Variants in ALDH1L2 observed in about 807,000 individuals in gnomAD.
ALDH1L2 encodes aldehyde dehydrogenase 1 family member L2, also known as mitochondrial 10-formyltetrahydrofolate dehydrogenase.
ALDH1L2 carries 91 observed loss-of-function variants against 111.0 expected under a neutral mutation model. That is an observed-to-expected ratio of 0.82 (90% CI 0.69 to 0.98). The LOEUF (loss-of-function observed/expected upper bound fraction) is 0.98, where lower values mean the gene tolerates loss of function less well. ALDH1L2 is among the 50% of genes least tolerant of loss of function. ALDH1L2 has a pLI of 0.00. For synonymous variants in ALDH1L2, 374 were observed against 392.6 expected (o/e 0.95, Z 0.56); for missense variants, 995 against 1,126.8 (o/e 0.88, Z 1.67).
In ALDH1L2 at chr12:105,074,021, A is replaced by G. The variant is rs1057358238; in HGVS notation, c.49-16T>C. ...TGAAATAAACCTGTGAAACAATTCA[A>G]TGACGAAGACATAAGCATGGATAGA... On this transcript the variant is annotated splice_polypyrimidine_tract_variant and intron_variant, in intron 1 of 22. Transcript: ENST00000258494. The G allele has an allele frequency of 1.1e-5, 17 of 1,613,930 alleles. No homozygotes were observed. Among genetic ancestry groups the G allele is most frequent in the Non-Finnish European group, 1.4e-5 (16 of 1,179,966 alleles).
chr12:105,071,429 T>C (rs994812554), intron 2 of ALDH1L2, among the ~76,000 whole-genome samples: 15 of 151,614 alleles, frequency 9.9e-5, no homozygotes, highest in Non-Finnish European at 1.8e-4. Flanking sequence ...GTCTCCTTCC[T>C]GAGAAGAGCG....
chr12:105,064,838 C>G (rs1262289468), intron 6 of ALDH1L2, among the ~76,000 whole-genome samples: 1 of 152,158 alleles, frequency 6.6e-6, no homozygotes. Context: ...CAGTTCAGAC[C>G]CTGGCTTCAC....
At chr12:105,036,505 A>T (rs1220278079) in intron 18 of ALDH1L2, among the ~76,000 whole-genome samples, 1 of 90,380 alleles carries the variant, frequency 1.1e-5, no homozygotes, top group East Asian at 3.0e-4. Context: ...ATATATGTAT[A>T]TATATATTTT....
At chr12:105,038,976 C>T (rs1308531756) in intron 17 of ALDH1L2, among the ~76,000 whole-genome samples, 2 of 152,054 alleles carry the variant, frequency 1.3e-5, no homozygotes, top group Non-Finnish European at 2.9e-5. Flanking sequence ...TCCTTTCTTA[C>T]AAAAGTATTT....
In ALDH1L2 at chr12:105,024,276, T is replaced by C; in HGVS notation, c.*148A>G. ...AATACTCAGGCACATGTGTAAATGC[T>C]TTAACATGGCCTGGCCCTCTTCATG... On this transcript the variant is annotated 3_prime_UTR_variant, in exon 23 of 23. Transcript: ENST00000258494. 4 of 785,338 alleles carry C rather than the reference T, an allele frequency of 5.1e-6. No individual in the cohort carries two copies. Among genetic ancestry groups the C allele is most frequent in the Non-Finnish European group, 8.4e-6 (4 of 475,586 alleles). 48.6% of individuals were successfully genotyped at this position (785,338 alleles called of 1,614,324 possible).
intron 1 of ALDH1L2, among the ~76,000 whole-genome samples, chr12:105,083,632 T>TTC (rs1555229128): frequency 2.7e-5 from 4 of 150,884 alleles, no homozygotes; most frequent in African/African-American, 9.7e-5. Flanking sequence ...TTTTTTTTTT[T>TTC]TCTCTCTCTC....
At chr12:105,057,965 G>GT in intron 10 of ALDH1L2, 108 bp downstream of exon 10, 1 of 1,310,500 alleles carries the variant, frequency 7.6e-7, no homozygotes, top group Non-Finnish European at 1.0e-6. Flanking sequence ...TAAAGCTGTT[G>GT]TTTTTTAAAG....
chr12:105,078,586 G>C (rs1878187484), intron 1 of ALDH1L2, among the ~76,000 whole-genome samples: 1 of 152,196 alleles, frequency 6.6e-6, no homozygotes, highest in African/African-American at 2.4e-5. Flanking sequence ...CCTCTATGCA[G>C]CTCAAATCTC....
At chr12:105,061,882 G>C (rs1877025697) in intron 7 of ALDH1L2, 130 bp from the exon 8 acceptor site, 3 of 1,098,566 alleles carry the variant, frequency 2.7e-6, no homozygotes, top group Non-Finnish European at 3.9e-6. Flanking sequence ...CAGATTAAAA[G>C]CATTCACCAT....
rs1464607354 is a variant in ALDH1L2 at position 105,046,921 on chromosome 12, A to T, written c.1735T>A (p.Phe579Ile). ...TACCCGAGTGGCTCTTTCTTGGTGA[A>T]GGTCAGATTGCGATTTGGACGGGCC... The part of the protein sequence containing the change: ...NQARPNRNLT[F>I]TKKEPLGVCA... Residue 579 changes from phenylalanine (F) to isoleucine (I), a missense_variant, in exon 14 of 23, where the codon TTC (phenylalanine) becomes ATC (isoleucine). Transcript: ENST00000258494. 2 of 1,614,034 alleles carry T rather than the reference A, an allele frequency of 1.2e-6. No homozygotes were observed. Among genetic ancestry groups the T allele is most frequent in the Admixed American group, 3.3e-5 (2 of 60,004 alleles).
chr12:105,065,915 A>G (rs1366338352), intron 5 of ALDH1L2, among the ~76,000 whole-genome samples: 3 of 152,178 alleles, frequency 2.0e-5, no homozygotes, highest in African/African-American at 4.8e-5. Context: ...ATCTATACCT[A>G]CTGCATCTGT....
intron 9 of ALDH1L2, among the ~76,000 whole-genome samples, chr12:105,058,794 G>T (rs1242678251): frequency 1.3e-5 from 2 of 152,080 alleles, no homozygotes; most frequent in African/African-American, 4.8e-5. Context: ...GAATAGCAGT[G>T]GTGTACGAGG....
At position 105,058,056 on chromosome 12, in the gene ALDH1L2, A is replaced by T; in HGVS notation, c.1287+17T>A. 6.2e-7 allele frequency: 1 copy of T among 1,607,898 alleles called. No homozygotes were observed. Among genetic ancestry groups the T allele is most frequent in the Non-Finnish European group, 8.5e-7 (1 of 1,177,710 alleles). Reference sequence around the variant, plus strand: ...GATCTCACTGATTTAGGGTTGCAACATCAAGGAAAAGCTTACATAATCTAC... The same window carrying T: ...GATCTCACTGATTTAGGGTTGCAACTTCAAGGAAAAGCTTACATAATCTAC... On this transcript the variant is annotated intron_variant, in intron 10 of 22. Transcript: ENST00000258494.
At chr12:105,072,528 A>G (rs1488993773) in intron 2 of ALDH1L2, 1 of 152,356 alleles carries the variant, frequency 6.6e-6, no homozygotes, top group East Asian at 1.9e-4. Flanking sequence ...GTGAGTGTTC[A>G]TAAGATGTTC....
intron 1 of ALDH1L2, among the ~76,000 whole-genome samples, chr12:105,077,357 G>A (rs1377428502): frequency 6.0e-5 from 9 of 150,814 alleles, no homozygotes; most frequent in Non-Finnish European, 1.0e-4. Context: ...TGCAACCTCC[G>A]CCTTCCGGGT....
rs143830632 is a variant in ALDH1L2 at position 105,039,764 on chromosome 12, C to T, written c.1994G>A (p.Arg665His). The change falls in exon 17 of 23, where the codon CGC (arginine) becomes CAC (histidine). Residue 665 changes from arginine to histidine, a missense_variant. By Grantham distance (29) the Arg-to-His change is conservative. Coordinates refer to ENST00000258494, the MANE Select transcript of ALDH1L2 (RefSeq NM_001034173.4). The stretch of plus-strand genomic sequence containing the variant: ...AGTGGATCCAGTGAAACCAAGTTTG[C>T]GGATGTCAGGATGTTCAGACAGACG... The part of the protein sequence containing the change: ...GQRLSEHPDI[R>H]KLGFTGSTPI... The T allele has an allele frequency of 3.1e-5, 50 of 1,613,776 alleles. No homozygotes were observed. Among genetic ancestry groups the T allele is most frequent in the African/African-American group, 3.1e-4 (23 of 74,866 alleles).
intron 16 of ALDH1L2, 115 bp from the exon 17 acceptor site, chr12:105,039,921 G>T: frequency 1.2e-6 from 1 of 831,754 alleles, no homozygotes; most frequent in Non-Finnish European, 2.0e-6. Context: ...ACAAGGTCAG[G>T]AGATCGAGAC....
chr12:105,064,355 A>G (rs182462432), intron 6 of ALDH1L2, among the ~76,000 whole-genome samples: 29 of 151,908 alleles, frequency 1.9e-4, no homozygotes, highest in African/African-American at 5.3e-4. Context: ...CATTGAGGAA[A>G]CCAAGGCACC....
chr12:105,045,291 G>A (rs964490006), intron 15 of ALDH1L2, among the ~76,000 whole-genome samples: 4 of 152,094 alleles, frequency 2.6e-5, no homozygotes, highest in African/African-American at 9.7e-5. Context: ...CACCATGTTG[G>A]CCAGGCTGGT....
Sources: allele counts gnomAD v4.1 joint callset (sites outside exome capture counted in the v4.1 genomes callset), GRCh38; gene constraint gnomAD v4.1.1; transcripts MANE v1.5; gene names NCBI Gene and HGNC (gene_info 2026-07-23, HGNC 2026-07-21).